The following TUBA1A variants were observed in gnomAD, a reference collection of about 807,000 sequenced individuals.
TUBA1A encodes the protein tubulin alpha 1a, also known as tubulin alpha-1A chain.
Under a neutral mutation model 34.6 loss-of-function variants are expected in TUBA1A, and 7 were observed. The ratio of observed to expected loss-of-function variants is 0.20; its 90% CI spans 0.11 to 0.38. The LOEUF is 0.38. Among genes scored for constraint, TUBA1A ranks in the 10% least tolerant of loss-of-function variants. The probability of loss-of-function intolerance (pLI) is 1.00; values close to 1 mark genes in which losing one functional copy is unlikely to be tolerated. For missense variants in TUBA1A, 19 were observed against 581.3 expected (o/e 0.03, Z 9.95); for synonymous variants, 193 against 210.2 (o/e 0.92, Z 0.71).
chr12:49,184,935 T>C lies in TUBA1A; in HGVS notation c.*75A>G. On this transcript the variant is annotated 3_prime_UTR_variant, in exon 4 of 4. Transcript: ENST00000301071. The stretch of plus-strand genomic sequence containing the variant: ...ACACTGCTACATACAAATTAACTGA[T>C]CAGACCACAACTTTTCAATGTTTAA... 1 of 1,612,038 alleles carries C rather than the reference T, an allele frequency of 6.2e-7. No individual in the cohort carries two copies. The highest frequency in any genetic ancestry group is 8.5e-7 in the Non-Finnish European group (1 of 1,178,652).
Position 49,185,727 on chromosome 12 carries a change from A to G in TUBA1A, c.639T>C (p.Cys213=). 1.2e-6 allele frequency: 2 copies of G among 1,614,102 alleles called. No individual in the cohort carries two copies. Among genetic ancestry groups the G allele is most frequent in the Non-Finnish European group, 1.7e-6 (2 of 1,179,986 alleles). ...GACGCTCAATATCGAGGTTTCTACG[A>G]CAGATGTCATAGATGGCCTCATTGT... ...MVDNEAIYDI[C]RRNLDIERPT... Residue 213 remains cysteine (C), a synonymous_variant, in exon 4 of 4, where the codon TGT becomes TGC. Transcript: ENST00000301071.
Position 49,189,000 on chromosome 12 carries a change from C to G in TUBA1A, c.-21G>C, listed in dbSNP as rs777015483. 1.9e-6 allele frequency: 3 copies of G among 1,614,222 alleles called. No individual in the cohort carries two copies. Among genetic ancestry groups the G allele is most frequent in the Non-Finnish European group, 2.5e-6 (3 of 1,180,028 alleles). ...ACCATGGTTGCTGCTTCGCGACTGCCGAGCTGATGGCGGAGACGAAGAGGA... is the reference window on the plus strand; with the variant it reads ...ACCATGGTTGCTGCTTCGCGACTGCGGAGCTGATGGCGGAGACGAAGAGGA... On this transcript the variant is annotated 5_prime_UTR_variant, in exon 1 of 4. Transcript: ENST00000301071. The surrounding 1 kb of genome is among the most constrained non-coding windows in gnomAD (Gnocchi z 4.9).
In TUBA1A at chr12:49,186,265, T is replaced by C; in HGVS notation, c.375+45A>G. 6.2e-7 allele frequency: 1 copy of C among 1,612,400 alleles called. No homozygotes were observed. The highest frequency in any genetic ancestry group is 8.5e-7 in the Non-Finnish European group (1 of 1,180,002). ...AAAAAAAAGCATTATTTCAAATGTG[T>C]TCTTTAGGCTCATTAATTTACTTTA... is the stretch of plus-strand genomic sequence containing the variant. On this transcript the variant is annotated intron_variant, in intron 3 of 3. Transcript: ENST00000301071. The surrounding 1 kb of genome is among the most constrained non-coding windows in gnomAD (Gnocchi z 6.6).
At chr12:49,187,875 C>T in intron 1 of TUBA1A, 3 of 882,142 alleles carry the variant, frequency 3.4e-6, no homozygotes, top group Non-Finnish European at 3.9e-6. Flanking sequence ...AGGGCTACCA[C>T]TTTCATTGTC....
In TUBA1A at chr12:49,188,906, A is replaced by C; in HGVS notation, c.3+71T>G. ...GAGCTTACGAAAGAAAAGAGCTTAA[A>C]GGTTTTCCAAGTAGAGCCTGGGGGC... On this transcript the variant is annotated intron_variant, in intron 1 of 3. Coordinates refer to ENST00000301071, the MANE Select transcript of TUBA1A (RefSeq NM_006009.4). The surrounding 1 kb of genome is among the most constrained non-coding windows in gnomAD (Gnocchi z 4.9). The C allele has an allele frequency of 6.2e-7, 1 of 1,614,044 alleles. No individual in the cohort carries two copies. Among genetic ancestry groups the C allele is most frequent in the South Asian group, 1.1e-5 (1 of 91,088 alleles).
rs140121590 is a variant in TUBA1A, at chr12:49,184,799, T to C, written c.*211A>G. On this transcript the variant is annotated 3_prime_UTR_variant, in exon 4 of 4. Transcript: ENST00000301071. Reference sequence around the variant, plus strand: ...GATAGAAAACACAGGACTGAATTCATTTAAGACAGGGAATACTTTATTCAA... The same window carrying C: ...GATAGAAAACACAGGACTGAATTCACTTAAGACAGGGAATACTTTATTCAA... 0.012 allele frequency: 9,039 copies of C among 765,496 alleles called. 72 individuals are homozygous for C. Among genetic ancestry groups the C allele is most frequent in the Non-Finnish European group, 0.016 (7,598 of 477,222 alleles). 47.4% of individuals were successfully genotyped at this position (765,496 alleles called of 1,614,324 possible). A position where few individuals can be genotyped will look rare whatever the true frequency, so the allele number is the denominator to read the frequency against.
chr12:49,187,899 G>A (rs988599709), intron 1 of TUBA1A: 2 of 983,666 alleles, frequency 2.0e-6, no homozygotes, highest in Non-Finnish European at 2.4e-6. Context: ...TCGCTGATGT[G>A]GTGGGGGCGG....
chr12:49,188,619 T>G lies in TUBA1A; in HGVS notation c.3+358A>C, dbSNP rs2121255785. 6.9e-7 allele frequency: 1 copy of G among 1,440,972 alleles called. No individual in the cohort carries two copies. Among genetic ancestry groups the G allele is most frequent in the South Asian group, 1.5e-5 (1 of 68,476 alleles). 89.3% of individuals were successfully genotyped at this position (1,440,972 alleles called of 1,614,324 possible). On this transcript the variant is annotated intron_variant, in intron 1 of 3. Coordinates refer to ENST00000301071, the MANE Select transcript of TUBA1A (RefSeq NM_006009.4). This position sits in a 1 kb window ranked among gnomAD's most constrained non-coding sequence, Gnocchi z 4.9. ...CGAGACAGAAAGTGGCCCCTCAGCA[T>G]CAGCGAAACCGTGCGCACAGACACG...
chr12:49,186,812 C>T lies in TUBA1A; in HGVS notation c.25G>A (p.Val9Ile), dbSNP rs1942187442. Residue 9 changes from valine (V) to isoleucine (I), a missense_variant, in exon 2 of 4, where the codon GTT (valine) becomes ATT (isoleucine). Val to Ile is a conservative substitution (Grantham distance 29, BLOSUM62 3). Transcript: ENST00000301071. This position sits in a 1 kb window ranked among gnomAD's most constrained non-coding sequence, Gnocchi z 6.6. Reference protein sequence around the residue: MRECISIHVGQAGVQIGNA... With the variant: MRECISIHIGQAGVQIGNA... ...CCAATCTGGACACCAGCCTGGCCAA[C>T]GTGGATGGAGATGCACTCACGCTGT... 6.2e-7 allele frequency: 1 copy of T among 1,613,926 alleles called. No homozygotes were observed. The highest frequency in any genetic ancestry group is 8.5e-7 in the Non-Finnish European group (1 of 1,180,032).
Position 49,188,703 on chromosome 12 carries a change from C to G in TUBA1A, c.3+274G>C. 6.9e-7 allele frequency: 1 copy of G among 1,439,880 alleles called. No homozygotes were observed. The allele number at this position is 1,439,880 out of a possible 1,614,324, so 89.2% of individuals were successfully genotyped here. On this transcript the variant is annotated intron_variant, in intron 1 of 3. Coordinates refer to ENST00000301071, the MANE Select transcript of TUBA1A (RefSeq NM_006009.4). The surrounding 1 kb of genome is among the most constrained non-coding windows in gnomAD (Gnocchi z 4.9). ...GCGGCAGACGGGCTGCCCGCGGCCC[C>G]CGAAAGTCTCTCGGATAACACAGGC...
rs2121255578 is a variant in TUBA1A at position 49,188,526 on chromosome 12, C to T, written c.3+451G>A. On this transcript the variant is annotated intron_variant, in intron 1 of 3. Coordinates refer to ENST00000301071, the MANE Select transcript of TUBA1A (RefSeq NM_006009.4). This position sits in a 1 kb window ranked among gnomAD's most constrained non-coding sequence, Gnocchi z 4.9. ...TTGTTCCCGTTCCCCCTCCCACGTC[C>T]CCCAGCTCGCCCAACGCCCCCGCTC... is the stretch of plus-strand genomic sequence containing the variant. 1 of 1,511,554 alleles carries T rather than the reference C, an allele frequency of 6.6e-7. No homozygotes were observed. The highest frequency in any genetic ancestry group is 2.5e-5 in the East Asian group (1 of 40,298). 93.6% of individuals were successfully genotyped at this position (1,511,554 alleles called of 1,614,324 possible).
In TUBA1A at chr12:49,185,976, C is replaced by T. The variant is rs1143559; in HGVS notation, c.390G>A (p.Thr130=). 5.0e-6 allele frequency: 8 copies of T among 1,614,144 alleles called. No homozygotes were observed. The Middle Eastern group carries it at 8.2e-4, about 166-fold the overall frequency. ...DRIRKLADQC[T]GLQGFLVFHS... is the part of the protein sequence containing the mutation. The stretch of plus-strand genomic sequence containing the variant: ...GGAAAACCAAGAAGCCCTGGAGACC[C>T]GTGCACTGGTCGGCCTATAACAAAA... Residue 130 remains threonine, a synonymous_variant, in exon 4 of 4, where the codon ACG becomes ACA. Coordinates refer to ENST00000301071, the MANE Select transcript of TUBA1A (RefSeq NM_006009.4).
rs1335422435 is a variant in TUBA1A at position 49,188,220 on chromosome 12, A to T, written c.3+757T>A. 1 of 985,214 alleles carries T rather than the reference A, an allele frequency of 1.0e-6. No homozygotes were observed. Among genetic ancestry groups the T allele is most frequent in the African/African-American group, 1.7e-5 (1 of 57,236 alleles). The allele number at this position is 985,214 out of a possible 1,614,324, so 61.0% of individuals were successfully genotyped here. ...AAAAGTCATCTAACTTATAATAGTG[A>T]AGAAAACCCTTTTGGAGCCTACAGT... On this transcript the variant is annotated intron_variant, in intron 1 of 3. Transcript: ENST00000301071. This position sits in a 1 kb window ranked among gnomAD's most constrained non-coding sequence, Gnocchi z 4.9.
At chr12:49,187,034 G>A (rs146064612) in intron 1 of TUBA1A, 27 of 1,450,960 alleles carry the variant, frequency 1.9e-5, no homozygotes, top group Admixed American at 7.3e-5. Flanking sequence ...TAATGATGTC[G>A]CCTTGGCCCT....
Position 49,186,851 on chromosome 12 carries a change from G to GA in TUBA1A, c.4-19dup. On this transcript the variant is annotated intron_variant, in intron 1 of 3. Transcript: ENST00000301071. This position sits in a 1 kb window ranked among gnomAD's most constrained non-coding sequence, Gnocchi z 6.6. ...CACTCACGCTGTGGGGAGGAAAAGTGAAAAAATCGTAAAATTAAGGTGTAT... is the reference window on the plus strand; with the variant it reads ...CACTCACGCTGTGGGGAGGAAAAGTGAAAAAAATCGTAAAATTAAGGTGTAT... The GA allele has an allele frequency of 6.2e-7, 1 of 1,614,000 alleles. No individual in the cohort carries two copies. Among genetic ancestry groups the GA allele is most frequent in the Non-Finnish European group, 8.5e-7 (1 of 1,179,980 alleles).
Position 49,188,328 on chromosome 12 carries a change from T to C in TUBA1A, c.3+649A>G, listed in dbSNP as rs1366167018. Reference sequence around the variant, plus strand: ...TTCAGTGAGGGCGAACCCCGCCCAGTGGCTCCAACGCCATAGAAGCCAGAA... The same window carrying C: ...TTCAGTGAGGGCGAACCCCGCCCAGCGGCTCCAACGCCATAGAAGCCAGAA... On this transcript the variant is annotated intron_variant, in intron 1 of 3. Coordinates refer to ENST00000301071, the MANE Select transcript of TUBA1A (RefSeq NM_006009.4). This position sits in a 1 kb window ranked among gnomAD's most constrained non-coding sequence, Gnocchi z 4.9. The C allele has an allele frequency of 2.0e-6, 3 of 1,519,998 alleles. No homozygotes were observed. Among genetic ancestry groups the C allele is most frequent in the East Asian group, 2.5e-5 (1 of 40,360 alleles). The allele number at this position is 1,519,998 out of a possible 1,614,324, so 94.2% of individuals were successfully genotyped here. A position where few individuals can be genotyped will look rare whatever the true frequency, so the allele number is the denominator to read the frequency against.
chr12:49,187,600 T>G, intron 1 of TUBA1A: 1 of 983,898 alleles, frequency 1.0e-6, no homozygotes, highest in Non-Finnish European at 1.2e-6. Context: ...TCATTACTTT[T>G]TTTTTTAAAA....
In TUBA1A at chr12:49,188,723, A is replaced by G; in HGVS notation, c.3+254T>C. On this transcript the variant is annotated intron_variant, in intron 1 of 3. Coordinates refer to ENST00000301071, the MANE Select transcript of TUBA1A (RefSeq NM_006009.4). This position sits in a 1 kb window ranked among gnomAD's most constrained non-coding sequence, Gnocchi z 4.9. ...GGCCCCCGAAAGTCTCTCGGATAAC[A>G]CAGGCGCCTAGGCGCCGCCTTTGTT... The G allele has an allele frequency of 1.4e-6, 2 of 1,448,406 alleles. No individual in the cohort carries two copies. Among genetic ancestry groups the G allele is most frequent in the Non-Finnish European group, 1.8e-6 (2 of 1,109,408 alleles). 89.7% of individuals were successfully genotyped at this position (1,448,406 alleles called of 1,614,324 possible).
At chr12:49,187,573 CTTT>C (rs1284062508) in intron 1 of TUBA1A, 1 of 984,184 alleles carries the variant, frequency 1.0e-6, no homozygotes, top group Non-Finnish European at 1.2e-6. Context: ...TATAATTCTT[CTTT>C]GTCTGTAGCA....
Sources: allele counts gnomAD v4.1 joint callset, GRCh38; gene constraint gnomAD v4.1.1; non-coding constraint Gnocchi (gnomAD v3.1); transcripts MANE v1.5; gene names NCBI Gene and HGNC (gene_info 2026-07-23, HGNC 2026-07-21).